The following FBN1 variants were observed in gnomAD, a reference collection of about 807,000 sequenced individuals.
FBN1 encodes the protein fibrillin 1, also known as fibrillin-1.
FBN1 carries 29 observed loss-of-function variants against 365.1 expected under a neutral mutation model. The observed-to-expected ratio is 0.08, with a 90% CI of 0.06 to 0.11. The LOEUF (loss-of-function observed/expected upper bound fraction) is 0.11, where lower values mean the gene tolerates loss of function less well. Among genes scored for constraint, FBN1 ranks in the 10% least tolerant of loss-of-function variants. The pLI is 1.00. For synonymous variants in FBN1, 1,210 were observed against 1,270.5 expected, an observed-to-expected ratio of 0.95 and a Z score of 1.01; for missense variants, 2,476 against 3,703.2, an observed-to-expected ratio of 0.67 and a Z score of 8.60.
chr15:48,581,646 CAT>C (rs2044392786), intron 6 of FBN1, among the ~76,000 whole-genome samples: 1 of 152,072 alleles, frequency 6.6e-6, no homozygotes, highest in Non-Finnish European at 1.5e-5. Context: ...TAAAAATGGA[CAT>C]AGTGTCTAAG....
intron 2 of FBN1, chr15:48,642,063 G>A (rs182134937): frequency 6.6e-6 from 1 of 152,202 alleles, no homozygotes; most frequent in African/African-American, 2.4e-5. Flanking sequence ...CTAGGGAACT[G>A]TTCCAGTGAC....
At position 48,468,473 on chromosome 15, in the gene FBN1, G is replaced by T. The variant is rs1425634624; in HGVS notation, c.4521C>A (p.Gly1507=). 1 of 1,614,026 alleles carries T rather than the reference G, an allele frequency of 6.2e-7. No homozygotes were observed. Among genetic ancestry groups the T allele is most frequent in the Non-Finnish European group, 8.5e-7 (1 of 1,179,996 alleles). The change falls in exon 37 of 66, where the codon GGC becomes GGA. Residue 1507 remains glycine, a synonymous_variant. Coordinates refer to ENST00000316623, the MANE Select transcript of FBN1 (RefSeq NM_000138.5). ...CISGNCVNTP[G]SYICDCPPDF... ...CAGGTGGGCAGTCACAGATATAGCT[G>T]CCTGGAGTGTTGACACAGTTCCCAC...
chr15:48,589,453 C>A (rs373453349), intron 6 of FBN1, among the ~76,000 whole-genome samples: 2 of 151,980 alleles, frequency 1.3e-5, no homozygotes, highest in African/African-American at 2.4e-5. Context: ...CACAAAAAAA[C>A]GAGTGTGTGT....
intron 6 of FBN1, among the ~76,000 whole-genome samples, chr15:48,564,173 C>A (rs1406703752): frequency 6.6e-6 from 1 of 152,064 alleles, no homozygotes; most frequent in African/African-American, 2.4e-5. Flanking sequence ...GGCTGCCTCA[C>A]CATAGAACAA....
chr15:48,569,282 T>A (rs2044286595), intron 6 of FBN1, among the ~76,000 whole-genome samples: 1 of 152,068 alleles, frequency 6.6e-6, no homozygotes, highest in Non-Finnish European at 1.5e-5. Flanking sequence ...TCATTTCACA[T>A]CCACTAGAAT....
At chr15:48,557,349 T>C (rs778603537) in intron 6 of FBN1, among the ~76,000 whole-genome samples, 27 of 152,156 alleles carry the variant, frequency 1.8e-4, no homozygotes, top group Admixed American at 6.5e-5. Flanking sequence ...CCTGGTCTAG[T>C]ACTATTTTCA....
intron 46 of FBN1, among the ~76,000 whole-genome samples, chr15:48,448,427 T>G (rs994861683): frequency 6.6e-6 from 1 of 152,100 alleles, no homozygotes; most frequent in Admixed American, 6.6e-5. Flanking sequence ...TCCAAAAAAA[T>G]GGTCATCTCA....
intron 38 of FBN1, 83 bp downstream of exon 38, chr15:48,467,855 G>C (rs1259484866): frequency 2.4e-6 from 3 of 1,230,686 alleles, no homozygotes; most frequent in Non-Finnish European, 3.6e-6. Context: ...TCTGATCTAA[G>C]AGTAGAAAAG....
intron 56 of FBN1, among the ~76,000 whole-genome samples, chr15:48,429,314 C>A (rs1430826008): frequency 6.6e-6 from 1 of 151,962 alleles, no homozygotes; most frequent in East Asian, 1.9e-4. Context: ...TAGATTATAT[C>A]TCCAATATAG....
chr15:48,517,042 T>C (rs2043810284), intron 10 of FBN1, among the ~76,000 whole-genome samples: 2 of 152,190 alleles, frequency 1.3e-5, no homozygotes, highest in African/African-American at 4.8e-5. Context: ...AAGTCAAGAA[T>C]GACTCCTAGT....
At position 48,444,524 on chromosome 15, in the gene FBN1, A is replaced by G. The variant is rs2043139068; in HGVS notation, c.6037+17T>C. On this transcript the variant is annotated intron_variant, in intron 49 of 65. Transcript: ENST00000316623. ...CACCCGACACTCCTCATTTGCTACA[A>G]CTGATAGCTTTCCTACCTTCACACT... The G allele has an allele frequency of 6.2e-7, 1 of 1,612,942 alleles. No homozygotes were observed. The highest frequency in any genetic ancestry group is 1.3e-5 in the African/African-American group (1 of 74,968).
chr15:48,458,509 T>A (rs2043258351), intron 43 of FBN1, among the ~76,000 whole-genome samples: 1 of 152,188 alleles, frequency 6.6e-6, no homozygotes, highest in African/African-American at 2.4e-5. Flanking sequence ...CTGTGTATCA[T>A]AAGTAAACAA....
Position 48,463,985 on chromosome 15 carries a change from G to A in FBN1, c.4979C>T (p.Pro1660Leu). The change falls in exon 41 of 66, where the codon CCA (proline) becomes CTA (leucine). Residue 1660 changes from proline (P) to leucine (L), a missense_variant. Physicochemically the swap from Pro to Leu is moderately conservative, Grantham distance 98. Around this residue, in one of 5 missense-constraint regions of FBN1, gnomAD observed 1,780 missense variants for 2,840.8 expected, o/e 0.63. Transcript: ENST00000316623. Reference sequence around the variant, plus strand: ...GCCAACGGTGTTGTAACATGTCCCTGGACCACAGATTCCAGGAGTCTCACA... The same window carrying A: ...GCCAACGGTGTTGTAACATGTCCCTAGACCACAGATTCCAGGAGTCTCACA... ...NECETPGICGPGTCYNTVGNY... is the reference protein window; with the variant it reads ...NECETPGICGLGTCYNTVGNY... 6.2e-7 allele frequency: 1 copy of A among 1,613,770 alleles called. No homozygotes were observed. The highest frequency in any genetic ancestry group is 8.5e-7 in the Non-Finnish European group (1 of 1,179,724).
intron 56 of FBN1, among the ~76,000 whole-genome samples, chr15:48,429,883 T>C (rs1044002184): frequency 6.6e-6 from 1 of 152,192 alleles, no homozygotes; most frequent in African/African-American, 2.4e-5. Context: ...AGAGAATGCG[T>C]GTGAGAAGGT....
intron 17 of FBN1, among the ~76,000 whole-genome samples, chr15:48,503,222 G>C (rs186262182): frequency 6.6e-6 from 1 of 150,940 alleles, no homozygotes; most frequent in Non-Finnish European, 1.5e-5. Flanking sequence ...ACTTGAACCC[G>C]GGAGGCGGAG....
At chr15:48,538,760 C>T (rs2044033482) in intron 6 of FBN1, among the ~76,000 whole-genome samples, 1 of 152,146 alleles carries the variant, frequency 6.6e-6, no homozygotes, top group African/African-American at 2.4e-5. Context: ...TGGGGTAAGA[C>T]TCATGGGCTT....
intron 54 of FBN1, among the ~76,000 whole-genome samples, chr15:48,433,505 T>C (rs1245910872): frequency 1.3e-5 from 2 of 152,154 alleles, no homozygotes; most frequent in African/African-American, 2.4e-5. Context: ...CCCAAGCAAA[T>C]AGTGTTCCAG....
intron 6 of FBN1, among the ~76,000 whole-genome samples, chr15:48,544,271 A>G (rs896018337): frequency 5.3e-5 from 8 of 152,186 alleles, no homozygotes; most frequent in Non-Finnish European, 8.8e-5. Flanking sequence ...TACTGCACAC[A>G]AGATTACCTA....
intron 1 of FBN1, among the ~76,000 whole-genome samples, chr15:48,645,158 G>C (rs753971578): frequency 5.3e-5 from 8 of 152,218 alleles, no homozygotes; most frequent in Non-Finnish European, 8.8e-5. Context: ...TCGGCCTCCC[G>C]GGCCCCGCCA....
Sources: gnomAD v4.1 joint callset for allele counts (sites outside exome capture counted in the v4.1 genomes callset) on GRCh38, gnomAD v4.1.1 for gene constraint, gnomAD v4.1.1 regional missense constraint, MANE v1.5 for transcripts, NCBI Gene and HGNC (gene_info 2026-07-23, HGNC 2026-07-21) for gene names.